The following DPF3 variants were observed in gnomAD, a reference collection of about 807,000 sequenced individuals.
DPF3 encodes double PHD fingers 3, also known as zinc finger protein DPF3.
DPF3 carries 18 observed loss-of-function variants against 56.8 expected under a neutral mutation model. The observed-to-expected ratio is 0.32, with a 90% CI of 0.22 to 0.47. DPF3 has a LOEUF of 0.47. Among genes scored for constraint, DPF3 ranks in the 20% least tolerant of loss-of-function variants. DPF3 has a pLI of 1.00. For missense variants in DPF3, 403 were observed against 488.8 expected (o/e 0.82, Z 1.65); for synonymous variants, 188 against 180.2 (o/e 1.04, Z -0.35).
chr14:72,839,094 T>A (rs1358614535), intron 1 of DPF3, among the ~76,000 whole-genome samples: 1 of 151,452 alleles, frequency 6.6e-6, no homozygotes, highest in Non-Finnish European at 1.5e-5. Context: ...CTAATTTTTG[T>A]ATTTTTAGTA....
chr14:72,791,996 C>G (rs564791373), intron 1 of DPF3, among the ~76,000 whole-genome samples: 133 of 152,318 alleles, frequency 8.7e-4, no homozygotes, highest in African/African-American at 3.1e-3. Context: ...GCACAGAGGG[C>G]TCCATGCTGC....
intron 8 of DPF3, among the ~76,000 whole-genome samples, chr14:72,659,934 G>T (rs1567191912): frequency 6.7e-6 from 1 of 150,104 alleles, no homozygotes; most frequent in African/African-American, 2.5e-5. Flanking sequence ...TACACTAAAT[G>T]AAATAAGTCC....
At chr14:72,759,395 G>A (rs1225643184) in intron 2 of DPF3, among the ~76,000 whole-genome samples, 1 of 152,230 alleles carries the variant, frequency 6.6e-6, no homozygotes, top group African/African-American at 2.4e-5. Context: ...GAGGCTGGGT[G>A]CAGCGGCTCA....
intron 3 of DPF3, among the ~76,000 whole-genome samples, chr14:72,748,812 T>C (rs910841736): frequency 6.6e-6 from 1 of 152,110 alleles, no homozygotes; most frequent in Non-Finnish European, 1.5e-5. Flanking sequence ...CATGTGGTGT[T>C]GAGCCTGTGA....
rs143341277 is a variant in DPF3, at chr14:72,846,628, G to A, written c.32+47429C>T. Reference sequence around the variant, plus strand: ...TGGGATTACAGGCGTGAGCCACCACGCCCAGCCTAGGATAGTCTTGAACTC... The same window carrying A: ...TGGGATTACAGGCGTGAGCCACCACACCCAGCCTAGGATAGTCTTGAACTC... On this transcript the variant is annotated intron_variant, in intron 1 of 10. Coordinates refer to ENST00000556509, the MANE Select transcript of DPF3 (RefSeq NM_001280542.3). Among the ~76,000 whole-genome samples the A allele has an allele frequency of 3.2e-3, 424 of 133,184 alleles. 16 individuals carry two copies. In the East Asian group the frequency reaches 0.092, roughly 29 times the overall value. The allele number at this position is 133,184 out of a possible 152,430, so 87.4% of individuals were successfully genotyped here.
chr14:72,674,385 A>T lies in DPF3; in HGVS notation c.743-17T>A, dbSNP rs1354949026. On this transcript the variant is annotated splice_polypyrimidine_tract_variant and intron_variant, in intron 7 of 10. Coordinates refer to ENST00000556509, the MANE Select transcript of DPF3 (RefSeq NM_001280542.3). ...CTTTCTGGGCTGTGGGAACATTTAA[A>T]ACATTCCAATTTCAGGCTTACATGA... The T allele has an allele frequency of 6.2e-7, 1 of 1,609,898 alleles. No individual in the cohort carries two copies. Among genetic ancestry groups the T allele is most frequent in the Non-Finnish European group, 8.5e-7 (1 of 1,177,990 alleles).
intron 1 of DPF3, among the ~76,000 whole-genome samples, chr14:72,780,107 C>T (rs1008385346): frequency 1.3e-5 from 2 of 152,246 alleles, no homozygotes; most frequent in Non-Finnish European, 2.9e-5. Context: ...TCTGACCCCC[C>T]TGCATATATG....
At chr14:72,757,194 C>G (rs1858528776) in intron 2 of DPF3, among the ~76,000 whole-genome samples, 1 of 152,092 alleles carries the variant, frequency 6.6e-6, no homozygotes, top group Non-Finnish European at 1.5e-5. Context: ...TTTCATCTTT[C>G]CCCATCCAGA....
chr14:72,750,193 G>C (rs1053647059), intron 3 of DPF3, among the ~76,000 whole-genome samples: 4 of 152,202 alleles, frequency 2.6e-5, no homozygotes, highest in African/African-American at 9.6e-5. Flanking sequence ...TGAGGAAGCA[G>C]AAAAAGTATT....
intron 8 of DPF3, chr14:72,662,948 A>G (rs1039067825): frequency 1.9e-4 from 133 of 700,734 alleles, no homozygotes; most frequent in African/African-American, 1.0e-3. Flanking sequence ...TAAAAAAAAA[A>G]AAGAAGAAGA....
Position 72,612,650 on chromosome 14 carries a change from G to A in DPF3, c.*6647C>T, listed in dbSNP as rs765529871. 169 of 517,632 alleles carry A rather than the reference G, an allele frequency of 3.3e-4. No individual in the cohort carries two copies. The highest frequency in any genetic ancestry group is 1.9e-4 in the Admixed American group (10 of 51,502). 32.1% of individuals were successfully genotyped at this position (517,632 alleles called of 1,614,324 possible). On this transcript the variant is annotated 3_prime_UTR_variant, in exon 11 of 11. Transcript: ENST00000556509. ...TCTCAGTGGGGAGTAGACATGGAAG[G>A]GCAAACCAAGTCCGTATAAACCACA...
chr14:72,877,385 C>T (rs1003911626), intron 1 of DPF3, among the ~76,000 whole-genome samples: 6 of 151,978 alleles, frequency 3.9e-5, no homozygotes, highest in Admixed American at 2.0e-4. Context: ...ACACCCAGGA[C>T]AATGTTGGGC....
At chr14:72,694,167 C>G (rs979266854) in intron 6 of DPF3, among the ~76,000 whole-genome samples, 3 of 152,228 alleles carry the variant, frequency 2.0e-5, no homozygotes, top group Admixed American at 6.5e-5. Context: ...CACTACCACC[C>G]TCAACCTCCC....
At chr14:72,633,422 G>A (rs916447640) in intron 8 of DPF3, among the ~76,000 whole-genome samples, 1 of 152,072 alleles carries the variant, frequency 6.6e-6, no homozygotes, top group East Asian at 1.9e-4. Context: ...AGAGAAAAGG[G>A]TCTAGGACTG....
chr14:72,884,971 T>TG, intron 1 of DPF3, among the ~76,000 whole-genome samples: 1 of 111,686 alleles, frequency 9.0e-6, no homozygotes, highest in Non-Finnish European at 1.9e-5. Flanking sequence ...TATATATATA[T>TG]TAGCCGGGCG....
Position 72,726,910 on chromosome 14 carries a change from T to C in DPF3, c.430-3182A>G, listed in dbSNP as rs117351589. On this transcript the variant is annotated intron_variant, in intron 4 of 10. Transcript: ENST00000556509. ...GGCCTGGAATACTGCAAAAATCTCC[T>C]GATTTCCCTCCTTCCATTGCTGGCC... Among the ~76,000 whole-genome samples, 1,085 of 152,318 alleles carry C rather than the reference T, an allele frequency of 7.1e-3. 6 individuals are homozygous for C. Among genetic ancestry groups the C allele is most frequent in the Middle Eastern group, 0.014 (4 of 294 alleles).
At chr14:72,698,350 T>C (rs1407119391) in intron 6 of DPF3, among the ~76,000 whole-genome samples, 1 of 152,192 alleles carries the variant, frequency 6.6e-6, no homozygotes, top group Non-Finnish European at 1.5e-5. Flanking sequence ...TTGTGTTAGA[T>C]GATGTTGCCC....
intron 1 of DPF3, among the ~76,000 whole-genome samples, chr14:72,819,125 T>G (rs1227015095): frequency 2.6e-5 from 4 of 152,178 alleles, no homozygotes; most frequent in Non-Finnish European, 4.4e-5. Flanking sequence ...ATTAGGGAAA[T>G]GCCCACTAAA....
chr14:72,759,176 G>T lies in DPF3; in HGVS notation c.194-5805C>A, dbSNP rs186290826. The stretch of plus-strand genomic sequence containing the variant: ...GTGCAAGATGAAAATCATATCAGAG[G>T]GAGTTAATGTCAGATTAGATATTGC... On this transcript the variant is annotated intron_variant, in intron 2 of 10. Transcript: ENST00000556509. 2.0e-3 allele frequency among the ~76,000 whole-genome samples: 308 copies of T among 152,136 alleles called. 2 individuals are homozygous for T. Among genetic ancestry groups the T allele is most frequent in the Non-Finnish European group, 3.7e-3 (252 of 67,998 alleles).
Sources: gnomAD v4.1 joint callset for allele counts (sites outside exome capture counted in the v4.1 genomes callset) on GRCh38, gnomAD v4.1.1 for gene constraint, MANE v1.5 for transcripts, NCBI Gene and HGNC (gene_info 2026-07-23, HGNC 2026-07-21) for gene names.